Variants in NTNG1 observed in about 807,000 individuals in gnomAD.
NTNG1 encodes the protein netrin G1.
A neutral mutation model predicts 54.0 loss-of-function variants in NTNG1; 16 were observed. That is an observed-to-expected ratio of 0.30 (90% CI 0.20 to 0.45). The LOEUF is 0.45. Among genes scored for constraint, NTNG1 ranks in the 20% least tolerant of loss-of-function variants. NTNG1 has a pLI of 1.00. For missense variants in NTNG1, 530 were observed against 678.7 expected (o/e 0.78, Z 2.43); for synonymous variants, 255 against 263.1 (o/e 0.97, Z 0.30).
intron 2 of NTNG1, among the ~76,000 whole-genome samples, chr1:107,250,936 A>T (rs572670486): frequency 9.2e-4 from 140 of 152,372 alleles, no homozygotes; most frequent in Admixed American, 2.1e-3. Flanking sequence ...TTTAAATACA[A>T]CATCTATATT....
At chr1:107,238,508 T>C (rs764506074) in intron 2 of NTNG1, among the ~76,000 whole-genome samples, 10 of 152,136 alleles carry the variant, frequency 6.6e-5, no homozygotes, top group Non-Finnish European at 1.5e-4. Flanking sequence ...AGGGGTAGAA[T>C]GATATGGTTT....
chr1:107,246,222 T>C (rs1317007046), intron 2 of NTNG1, among the ~76,000 whole-genome samples: 1 of 152,082 alleles, frequency 6.6e-6, no homozygotes, highest in Non-Finnish European at 1.5e-5. Context: ...TGGCTAATTA[T>C]TTTTGTATTT....
At chr1:107,345,270 C>T (rs908292835) in intron 3 of NTNG1, among the ~76,000 whole-genome samples, 1 of 152,078 alleles carries the variant, frequency 6.6e-6, no homozygotes, top group African/African-American at 2.4e-5. Context: ...AATTAGTTAT[C>T]AAAATAGAGA....
chr1:107,198,665 A>C (rs1658514750), intron 2 of NTNG1, among the ~76,000 whole-genome samples: 1 of 151,886 alleles, frequency 6.6e-6, no homozygotes, highest in East Asian at 1.9e-4. Context: ...AGATTCTAGC[A>C]AGTTTCTGCC....
chr1:107,347,820 AG>A (rs1231018926), intron 3 of NTNG1, among the ~76,000 whole-genome samples: 1 of 152,168 alleles, frequency 6.6e-6, no homozygotes, highest in Non-Finnish European at 1.5e-5. Flanking sequence ...GGACGGAGTG[AG>A]TGCCAGCAGG....
intron 7 of NTNG1, among the ~76,000 whole-genome samples, chr1:107,472,277 C>A (rs1325197921): frequency 6.6e-6 from 1 of 152,160 alleles, no homozygotes; most frequent in Non-Finnish European, 1.5e-5. Context: ...ACAAGACCAT[C>A]CATCATCATA....
intron 2 of NTNG1, among the ~76,000 whole-genome samples, chr1:107,293,184 G>A (rs1002558273): frequency 6.6e-6 from 1 of 152,022 alleles, no homozygotes; most frequent in African/African-American, 2.4e-5. Context: ...GATCACTTAG[G>A]GGTTATTTAC....
intron 2 of NTNG1, among the ~76,000 whole-genome samples, chr1:107,188,073 C>T (rs1285309582): frequency 6.6e-6 from 1 of 150,412 alleles, no homozygotes. Context: ...TTTTTTTTGA[C>T]AACTATGTGC....
At chr1:107,419,277 A>T (rs1166531559) in intron 5 of NTNG1, among the ~76,000 whole-genome samples, 1 of 151,260 alleles carries the variant, frequency 6.6e-6, no homozygotes, top group South Asian at 2.1e-4. Context: ...ACATCACAGT[A>T]AATTTTCCTT....
chr1:107,151,018 G>A (rs181371386), intron 2 of NTNG1, among the ~76,000 whole-genome samples: 407 of 152,276 alleles, frequency 2.7e-3, no homozygotes, highest in Non-Finnish European at 3.6e-3. Flanking sequence ...AGTGTGATGC[G>A]GATATTTGGA....
intron 2 of NTNG1, chr1:107,261,110 TTTTAAAAATTATTTGTTC>T (rs1663290710): frequency 6.6e-6 from 1 of 152,214 alleles, no homozygotes; most frequent in African/African-American, 2.4e-5. Context: ...ATTCATTCAT[TTTTAAAAATTATTTGTTC>T]TTTAATTCAT....
At chr1:107,411,067 A>AGAT (rs1319678591) in intron 5 of NTNG1, among the ~76,000 whole-genome samples, 2 of 152,174 alleles carry the variant, frequency 1.3e-5, no homozygotes, top group African/African-American at 4.8e-5. Context: ...AAAAGAAGAG[A>AGAT]GATGTACACA....
chr1:107,183,758 A>G (rs1657240494), intron 2 of NTNG1, among the ~76,000 whole-genome samples: 1 of 152,156 alleles, frequency 6.6e-6, no homozygotes, highest in Non-Finnish European at 1.5e-5. Flanking sequence ...TGTCTCATAC[A>G]CATTTCAAAA....
At chr1:107,337,709 A>T (rs1557911759) in intron 3 of NTNG1, among the ~76,000 whole-genome samples, 1 of 151,994 alleles carries the variant, frequency 6.6e-6, no homozygotes, top group Non-Finnish European at 1.5e-5. Context: ...ACATATATCC[A>T]TGTGTCTTTC....
chr1:107,346,377 T>G lies in NTNG1; in HGVS notation c.887+21455T>G, dbSNP rs574100897. ...CAGGCTGGAGAAAAAGACCATTCAT[T>G]TGATGGCAACCCAGATGCAGAGTGG... On this transcript the variant is annotated intron_variant, in intron 3 of 7. Coordinates refer to ENST00000370068, the MANE Select transcript of NTNG1 (RefSeq NM_001113226.3). Among the ~76,000 whole-genome samples, 68 of 152,294 alleles carry G rather than the reference T, an allele frequency of 4.5e-4. No individual in the cohort carries two copies. The South Asian group carries it at 0.014, about 31-fold the overall frequency.
In NTNG1 at chr1:107,256,788, G is replaced by A. The variant is rs184768591; in HGVS notation, c.247-67494G>A. Among the ~76,000 whole-genome samples, 434 of 152,342 alleles carry A rather than the reference G, an allele frequency of 2.8e-3. 1 individual carries two copies. The highest frequency in any genetic ancestry group is 4.8e-3 in the Non-Finnish European group (326 of 68,026). ...CCATTCATTTGGCATTTACCCTGCA[G>A]AAACTAGAGAGCAAATGAAGGATTT... is the stretch of plus-strand genomic sequence containing the variant. On this transcript the variant is annotated intron_variant, in intron 2 of 7. Coordinates refer to ENST00000370068, the MANE Select transcript of NTNG1 (RefSeq NM_001113226.3).
At chr1:107,463,847 G>T (rs955146129) in intron 7 of NTNG1, among the ~76,000 whole-genome samples, 1 of 152,114 alleles carries the variant, frequency 6.6e-6, no homozygotes, top group African/African-American at 2.4e-5. Context: ...ATCAGCATGT[G>T]TGACCCTAAA....
At chr1:107,443,444 C>T (rs561746180) in intron 7 of NTNG1, among the ~76,000 whole-genome samples, 34 of 151,940 alleles carry the variant, frequency 2.2e-4, no homozygotes, top group Admixed American at 1.0e-3. Context: ...ACAGTCCTGA[C>T]GAATTGTGAT....
intron 2 of NTNG1, among the ~76,000 whole-genome samples, chr1:107,249,984 G>T (rs1662482462): frequency 6.6e-6 from 1 of 152,200 alleles, no homozygotes; most frequent in Non-Finnish European, 1.5e-5. Context: ...TCCCCATGGT[G>T]ACAGTCTCCC....
Sources: allele counts gnomAD v4.1 joint callset (sites outside exome capture counted in the v4.1 genomes callset), GRCh38; gene constraint gnomAD v4.1.1; transcripts MANE v1.5; gene names NCBI Gene and HGNC (gene_info 2026-07-23, HGNC 2026-07-21).